CADPS2: variants seen among roughly 807,000 people sequenced by gnomAD.
The protein encoded by CADPS2 is calcium dependent secretion activator 2.
In CADPS2, 93 loss-of-function variants were observed where a neutral mutation model predicts 172.5. That is an observed-to-expected ratio of 0.54 (90% CI 0.46 to 0.64). The LOEUF is 0.64. Among genes scored for constraint, CADPS2 ranks in the 30% least tolerant of loss-of-function variants. CADPS2 has a pLI of 0.00. For missense variants in CADPS2, 1,420 were observed against 1,565.9 expected (o/e 0.91, Z 1.57); for synonymous variants, 546 against 555.2 (o/e 0.98, Z 0.23).
chr7:122,321,659 T>C (rs1563060437), intron 29 of CADPS2, among the ~76,000 whole-genome samples: 1 of 151,952 alleles, frequency 6.6e-6, no homozygotes, highest in African/African-American at 2.4e-5. Flanking sequence ...CAGCTAATTT[T>C]TGTGTTTTTG....
At chr7:122,341,014 A>G (rs1351943190) in intron 28 of CADPS2, among the ~76,000 whole-genome samples, 1 of 152,192 alleles carries the variant, frequency 6.6e-6, no homozygotes, top group Admixed American at 6.5e-5. Flanking sequence ...AGTAAATGTA[A>G]TATCTAGATT....
chr7:122,844,228 A>G (rs900035643), intron 1 of CADPS2, among the ~76,000 whole-genome samples: 1 of 152,258 alleles, frequency 6.6e-6, no homozygotes, highest in African/African-American at 2.4e-5. Context: ...GGGAACAGGA[A>G]CACAATCCAG....
rs1264908010 is a variant in CADPS2 at position 122,569,213 on chromosome 7, A to C, written c.1335+11966T>G. Among the ~76,000 whole-genome samples the C allele has an allele frequency of 2.0e-3, 309 of 152,124 alleles. 1 individual carries two copies. The highest frequency in any genetic ancestry group is 6.8e-3 in the African/African-American group (281 of 41,522). On this transcript the variant is annotated intron_variant, in intron 7 of 29. Coordinates refer to ENST00000449022, the MANE Select transcript of CADPS2 (RefSeq NM_017954.11). ...GGATACAAAATCAATGTGCAAAAAT[A>C]ACAAGCATTCTTATACACCAATAAC... is the stretch of plus-strand genomic sequence containing the variant.
chr7:122,511,502 A>C (rs1234053248), intron 9 of CADPS2, among the ~76,000 whole-genome samples: 2 of 152,162 alleles, frequency 1.3e-5, no homozygotes, highest in Admixed American at 6.6e-5. Flanking sequence ...ATAAAAAAAA[A>C]CCAGCGACTA....
At chr7:122,395,812 C>CTT (rs1293194209) in intron 20 of CADPS2, among the ~76,000 whole-genome samples, 23 of 140,042 alleles carry the variant, frequency 1.6e-4, no homozygotes, top group African/African-American at 5.7e-4. Flanking sequence ...TTTTTTTTTT[C>CTT]TTTTTTTTTT....
chr7:122,806,904 G>T (rs1165082172), intron 1 of CADPS2, among the ~76,000 whole-genome samples: 13 of 152,196 alleles, frequency 8.5e-5, no homozygotes, highest in Admixed American at 8.5e-4. Context: ...GAGAATACAT[G>T]TGACAACTAT....
chr7:122,687,534 G>A (rs575545878), intron 2 of CADPS2, among the ~76,000 whole-genome samples: 9 of 152,246 alleles, frequency 5.9e-5, no homozygotes, highest in East Asian at 3.9e-4. Context: ...GTCTCTCTGC[G>A]TCTCCATTTC....
At chr7:122,847,040 C>T (rs1321619309) in intron 1 of CADPS2, among the ~76,000 whole-genome samples, 1 of 152,198 alleles carries the variant, frequency 6.6e-6, no homozygotes, top group East Asian at 1.9e-4. Flanking sequence ...AGCCACTGCT[C>T]TAATCACCTC....
chr7:122,797,084 A>G (rs1796537110), intron 1 of CADPS2, among the ~76,000 whole-genome samples: 1 of 152,214 alleles, frequency 6.6e-6, no homozygotes, highest in Non-Finnish European at 1.5e-5. Context: ...ACATGTGGAT[A>G]ACAATCATAT....
chr7:122,678,613 G>T (rs2082629978), intron 2 of CADPS2, among the ~76,000 whole-genome samples: 1 of 152,116 alleles, frequency 6.6e-6, no homozygotes, highest in Non-Finnish European at 1.5e-5. Flanking sequence ...CCATAGGATG[G>T]GTTGCACCAC....
chr7:122,697,326 A>C (rs1233529910), intron 2 of CADPS2, among the ~76,000 whole-genome samples: 1 of 152,180 alleles, frequency 6.6e-6, no homozygotes, highest in Non-Finnish European at 1.5e-5. Context: ...CTCACAACTA[A>C]GACATACTAT....
At chr7:122,774,422 A>C (rs1442782402) in intron 1 of CADPS2, among the ~76,000 whole-genome samples, 2 of 152,124 alleles carry the variant, frequency 1.3e-5, no homozygotes, top group Non-Finnish European at 2.9e-5. Flanking sequence ...GTGTTAACAC[A>C]GGCTTATATT....
intron 1 of CADPS2, among the ~76,000 whole-genome samples, chr7:122,774,189 T>G (rs1589123691): frequency 6.6e-6 from 1 of 151,996 alleles, no homozygotes; most frequent in East Asian, 1.9e-4. Flanking sequence ...GAAAGTTGAT[T>G]TTGAAGTTAA....
intron 19 of CADPS2, among the ~76,000 whole-genome samples, chr7:122,413,606 A>C (rs1447731674): frequency 6.6e-6 from 1 of 152,194 alleles, no homozygotes; most frequent in African/African-American, 2.4e-5. Context: ...CCACCAAGGG[A>C]GCTGAGCCAG....
intron 4 of CADPS2, among the ~76,000 whole-genome samples, chr7:122,624,230 G>T (rs570227076): frequency 6.6e-6 from 1 of 152,250 alleles, no homozygotes; most frequent in South Asian, 2.1e-4. Flanking sequence ...AACTAGAATT[G>T]AATGAGAAAT....
chr7:122,364,724 C>T (rs1008978680), intron 25 of CADPS2, among the ~76,000 whole-genome samples: 1 of 90,318 alleles, frequency 1.1e-5, no homozygotes, highest in African/African-American at 4.7e-5. Context: ...GAGACTCCAT[C>T]TCAAAAAAAA....
At chr7:122,407,476 A>G (rs2046792395) in intron 20 of CADPS2, 64 bp downstream of exon 20, 2 of 1,517,994 alleles carry the variant, frequency 1.3e-6, no homozygotes, top group South Asian at 1.2e-5. Context: ...GTAAAAATAC[A>G]TTCACATTCA....
intron 7 of CADPS2, among the ~76,000 whole-genome samples, chr7:122,574,253 C>A (rs2067663774): frequency 6.6e-6 from 1 of 151,604 alleles, no homozygotes; most frequent in African/African-American, 2.4e-5. Context: ...TGAGACCACT[C>A]TTGGCAACAT....
intron 1 of CADPS2, among the ~76,000 whole-genome samples, chr7:122,750,215 C>T (rs2092893552): frequency 1.3e-5 from 2 of 151,976 alleles, no homozygotes; most frequent in East Asian, 1.9e-4. Context: ...GATAGGGGTG[C>T]CAAATTAAAT....
Sources: allele counts gnomAD v4.1 joint callset (sites outside exome capture counted in the v4.1 genomes callset), GRCh38; gene constraint gnomAD v4.1.1; transcripts MANE v1.5; gene names NCBI Gene and HGNC (gene_info 2026-07-23, HGNC 2026-07-21).